Variants in OSBPL9 observed in about 807,000 individuals in gnomAD.
OSBPL9 encodes oxysterol-binding protein-related protein 9.
A neutral mutation model predicts 106.6 loss-of-function variants in OSBPL9; 40 were observed. That is an observed-to-expected ratio of 0.38 (90% CI 0.29 to 0.49). The LOEUF (loss-of-function observed/expected upper bound fraction) is 0.49. Among genes scored for constraint, OSBPL9 ranks in the 20% least tolerant of loss-of-function variants. OSBPL9 has a pLI of 0.97. For missense variants in OSBPL9, 609 were observed against 887.2 expected, an observed-to-expected ratio of 0.69 and a Z score of 3.98; for synonymous variants, 269 against 295.4, an observed-to-expected ratio of 0.91 and a Z score of 0.92.
intron 1 of OSBPL9, among the ~76,000 whole-genome samples, chr1:51,630,266 C>T (rs1231812472): frequency 6.6e-6 from 1 of 151,860 alleles, no homozygotes; most frequent in African/African-American, 2.4e-5. Flanking sequence ...AAGGAAATGC[C>T]AGAGAGTCTC....
intron 4 of OSBPL9, among the ~76,000 whole-genome samples, chr1:51,722,638 A>G (rs1662367042): frequency 6.6e-6 from 1 of 152,226 alleles, no homozygotes; most frequent in Admixed American, 6.5e-5. Flanking sequence ...GAGGGTATTC[A>G]TTCCTAACCT....
At chr1:51,690,047 T>G (rs1654635797) in intron 3 of OSBPL9, among the ~76,000 whole-genome samples, 1 of 152,220 alleles carries the variant, frequency 6.6e-6, no homozygotes, top group Non-Finnish European at 1.5e-5. Context: ...TGTAGTCCTT[T>G]CGGTATTATA....
At chr1:51,781,478 TTGAA>T in intron 16 of OSBPL9, 143 bp downstream of exon 16, 1 of 801,584 alleles carries the variant, frequency 1.2e-6, no homozygotes, top group South Asian at 1.9e-5. Context: ...GCAGCATAGT[TTGAA>T]TGTAGTGAGA....
chr1:51,615,871 A>G (rs1644041034), upstream of OSBPL9, among the ~76,000 whole-genome samples: 1 of 152,016 alleles, frequency 6.6e-6, no homozygotes, highest in South Asian at 2.1e-4. Flanking sequence ...TCAGTATTGG[A>G]TATTTTTCTT....
At position 51,760,871 on chromosome 1, in the gene OSBPL9, T is replaced by C. The variant is rs114075041; in HGVS notation, c.673+91T>C. On this transcript the variant is annotated intron_variant, in intron 10 of 23. Coordinates refer to ENST00000428468, the MANE Select transcript of OSBPL9 (RefSeq NM_024586.6). Reference sequence around the variant, plus strand: ...CAGTCTTAGCTATTACTGTTTATTTTTGATTTTCCTTGTTTTTAATAAAAG... The same window carrying C: ...CAGTCTTAGCTATTACTGTTTATTTCTGATTTTCCTTGTTTTTAATAAAAG... 2.4e-3 allele frequency: 3,214 copies of C among 1,355,456 alleles called. 57 individuals carry two copies. In the African/African-American group the frequency reaches 0.043, roughly 18 times the overall value. 84.0% of individuals were successfully genotyped at this position (1,355,456 alleles called of 1,614,324 possible). A position where few individuals can be genotyped will look rare whatever the true frequency, so the allele number is the denominator to read the frequency against.
Position 51,729,967 on chromosome 1 carries a change from C to T in OSBPL9, c.319-15569C>T. On this transcript the variant is annotated intron_variant, in intron 4 of 23. Coordinates refer to ENST00000428468, the MANE Select transcript of OSBPL9 (RefSeq NM_024586.6). This position sits in a 1 kb window ranked among gnomAD's most constrained non-coding sequence, Gnocchi z 5.1. ...CCCTGGAGGCACAGAGGGCGGGGGCCTTGGCGAATGGCTTTCTTGCTGGCC... is the reference window on the plus strand; with the variant it reads ...CCCTGGAGGCACAGAGGGCGGGGGCTTTGGCGAATGGCTTTCTTGCTGGCC... 7 of 1,316,822 alleles carry T rather than the reference C, an allele frequency of 5.3e-6. No homozygotes were observed. The highest frequency in any genetic ancestry group is 6.8e-6 in the Non-Finnish European group (7 of 1,025,010). The allele number at this position is 1,316,822 out of a possible 1,614,324, so 81.6% of individuals were successfully genotyped here.
At chr1:51,627,453 G>C (rs1243563875) in intron 1 of OSBPL9, among the ~76,000 whole-genome samples, 1 of 152,174 alleles carries the variant, frequency 6.6e-6, no homozygotes, top group African/African-American at 2.4e-5. Flanking sequence ...CCATAAATGT[G>C]AAGATTTGTA....
intron 4 of OSBPL9, among the ~76,000 whole-genome samples, chr1:51,714,879 G>A (rs752637206): frequency 4.6e-5 from 7 of 152,152 alleles, no homozygotes; most frequent in African/African-American, 7.2e-5. Context: ...ACACATTGCT[G>A]ATAGGGTAGA....
intron 3 of OSBPL9, among the ~76,000 whole-genome samples, chr1:51,681,132 TG>T (rs1262377863): frequency 2.6e-5 from 4 of 152,236 alleles, no homozygotes; most frequent in African/African-American, 7.2e-5. Flanking sequence ...TATTTAATAA[TG>T]TTTTTTCAGT....
At chr1:51,756,899 T>A (rs1191476004) in intron 9 of OSBPL9, 1 of 152,212 alleles carries the variant, frequency 6.6e-6, no homozygotes, top group East Asian at 1.9e-4. Flanking sequence ...CTCTCTCTTA[T>A]CTTTTTACCT....
At chr1:51,621,318 A>G (rs1644418899) in intron 1 of OSBPL9, among the ~76,000 whole-genome samples, 1 of 152,066 alleles carries the variant, frequency 6.6e-6, no homozygotes, top group Non-Finnish European at 1.5e-5. Flanking sequence ...CCTGGCCAAC[A>G]CTATCTCTGC....
At chr1:51,600,681 C>T (rs941980977) in intron 2 of OSBPL9, among the ~76,000 whole-genome samples, 2 of 152,120 alleles carry the variant, frequency 1.3e-5, no homozygotes, top group African/African-American at 4.8e-5. Context: ...TCATTTCCCT[C>T]TTTGTAAAAT....
At chr1:51,569,533 T>A in the OSBPL9 span, 1 of 152,208 alleles carries the variant, frequency 6.6e-6, no homozygotes, top group Non-Finnish European at 1.5e-5. Flanking sequence ...CAGTGACTGC[T>A]ATCAGAGAGC....
intron 4 of OSBPL9, among the ~76,000 whole-genome samples, chr1:51,736,131 A>G (rs757024770): frequency 2.0e-5 from 3 of 152,052 alleles, no homozygotes; most frequent in Non-Finnish European, 2.9e-5. Flanking sequence ...GCTACAAACC[A>G]AACACTAGCC....
intron 1 of OSBPL9, among the ~76,000 whole-genome samples, chr1:51,580,684 A>G (rs1645215297): frequency 6.6e-6 from 1 of 151,914 alleles, no homozygotes; most frequent in African/African-American, 2.4e-5. Context: ...TAAGTCTTCA[A>G]GGAATTCACA....
At chr1:51,659,522 GA>G (rs1294921075) in intron 2 of OSBPL9, among the ~76,000 whole-genome samples, 1 of 151,534 alleles carries the variant, frequency 6.6e-6, no homozygotes, top group Non-Finnish European at 1.5e-5. Flanking sequence ...AAAGGAAATA[GA>G]AAGAAGAAAA....
chr1:51,748,199 G>A (rs1357157765), intron 6 of OSBPL9, among the ~76,000 whole-genome samples, 170 bp from the exon 7 acceptor site: 1 of 152,144 alleles, frequency 6.6e-6, no homozygotes, highest in Non-Finnish European at 1.5e-5. Flanking sequence ...ACAAATAATT[G>A]ATTTAGATAA....
chr1:51,585,503 C>T (rs777262684), intron 1 of OSBPL9, among the ~76,000 whole-genome samples: 23 of 152,244 alleles, frequency 1.5e-4, no homozygotes, highest in African/African-American at 4.1e-4. Context: ...TTCAGCCAGG[C>T]GCAGTGGCTC....
At chr1:51,627,872 A>G (rs1180842369) in intron 1 of OSBPL9, among the ~76,000 whole-genome samples, 1 of 152,210 alleles carries the variant, frequency 6.6e-6, no homozygotes, top group Non-Finnish European at 1.5e-5. Context: ...AGAGGTCCCC[A>G]GTGATAGCTT....
Sources: gnomAD v4.1 joint callset for allele counts (sites outside exome capture counted in the v4.1 genomes callset) on GRCh38, gnomAD v4.1.1 for gene constraint, Gnocchi (gnomAD v3.1) non-coding constraint, MANE v1.5 for transcripts, NCBI Gene and HGNC (gene_info 2026-07-23, HGNC 2026-07-21) for gene names.